PCNX2: variants seen among roughly 807,000 people sequenced by gnomAD.
PCNX2 encodes pecanex 2, also known as pecanex-like protein 2.
In PCNX2, 168 loss-of-function variants were observed where a neutral mutation model predicts 223.8. The observed-to-expected ratio is 0.75, with a 90% CI of 0.66 to 0.85. PCNX2 has a LOEUF of 0.85. Ranked by LOEUF, PCNX2 falls within the 40% of genes least tolerant of loss-of-function variation. The pLI, the probability that PCNX2 is intolerant of heterozygous loss-of-function variation, is 0.00. For synonymous variants in PCNX2, 1,006 were observed against 1,052.6 expected (o/e 0.96, Z 0.86); for missense variants, 2,507 against 2,675.5 (o/e 0.94, Z 1.39).
intron 30 of PCNX2, among the ~76,000 whole-genome samples, chr1:232,999,945 G>A (rs568875514): frequency 5.9e-5 from 9 of 152,282 alleles, no homozygotes; most frequent in South Asian, 2.1e-4. Context: ...TAAGGCCTTC[G>A]GATCCAGGAA....
chr1:233,101,413 G>A (rs1468274383), intron 21 of PCNX2, among the ~76,000 whole-genome samples: 1 of 152,098 alleles, frequency 6.6e-6, no homozygotes, highest in East Asian at 1.9e-4. Context: ...ATAGAATTTT[G>A]TAAAGTAAAA....
At chr1:233,142,972 A>C (rs1335508800) in intron 19 of PCNX2, among the ~76,000 whole-genome samples, 1 of 151,574 alleles carries the variant, frequency 6.6e-6, no homozygotes, top group African/African-American at 2.4e-5. Context: ...TATTTTTCTT[A>C]TCTTCTTGAG....
intron 25 of PCNX2, among the ~76,000 whole-genome samples, chr1:233,036,545 G>T (rs543408040): frequency 5.7e-4 from 87 of 151,670 alleles, no homozygotes; most frequent in African/African-American, 2.0e-3. Flanking sequence ...CAGGAGAATC[G>T]CTTGAACCCA....
Position 233,054,348 on chromosome 1 carries a change from T to C in PCNX2, c.4271A>G (p.Asp1424Gly), listed in dbSNP as rs1479195698. The change falls in exon 25 of 34, where the codon GAT (aspartate) becomes GGT (glycine). Residue 1424 changes from aspartate to glycine, a missense_variant. This residue lies in a region of PCNX2 where 1,372 missense variants were observed against 1,509.4 expected (regional missense o/e 0.91). Coordinates refer to ENST00000258229, the MANE Select transcript of PCNX2 (RefSeq NM_014801.4). ...SSGDCFILASDDLNAFVHLIE... is the reference protein window; with the variant it reads ...SSGDCFILASGDLNAFVHLIE... ...CAGGTGAACAAAGGCATTGAGGTCA[T>C]CTGAAGCCAAAATAAAGCAATCGCC... The C allele has an allele frequency of 3.7e-6, 6 of 1,613,804 alleles. No homozygotes were observed. Among genetic ancestry groups the C allele is most frequent in the Non-Finnish European group, 5.1e-6 (6 of 1,179,874 alleles).
chr1:233,137,219 T>C (rs1376536681), intron 20 of PCNX2, among the ~76,000 whole-genome samples: 2 of 152,196 alleles, frequency 1.3e-5, no homozygotes, highest in Non-Finnish European at 2.9e-5. Flanking sequence ...TTCCTCTGAG[T>C]TCTCCGGTTT....
intron 22 of PCNX2, among the ~76,000 whole-genome samples, chr1:233,093,041 T>C (rs1056461486): frequency 1.8e-4 from 27 of 152,262 alleles, no homozygotes; most frequent in South Asian, 8.3e-4. Flanking sequence ...CCTCATGATC[T>C]GCCCTCCTTG....
At chr1:233,196,840 A>T (rs1378558245) in intron 15 of PCNX2, among the ~76,000 whole-genome samples, 1 of 152,192 alleles carries the variant, frequency 6.6e-6, no homozygotes, top group Non-Finnish European at 1.5e-5. Flanking sequence ...TGATCTAGCA[A>T]TCTCACTCAG....
At chr1:233,144,822 AT>A (rs1404303203) in intron 19 of PCNX2, among the ~76,000 whole-genome samples, 1 of 152,096 alleles carries the variant, frequency 6.6e-6, no homozygotes, top group Non-Finnish European at 1.5e-5. Context: ...AACTTCTCCC[AT>A]TTTATGGTTA....
chr1:233,218,641 C>T (rs1657176809), intron 10 of PCNX2, among the ~76,000 whole-genome samples: 1 of 152,158 alleles, frequency 6.6e-6, no homozygotes, highest in African/African-American at 2.4e-5. Flanking sequence ...CTTTATTCCC[C>T]TGTGAGATTT....
intron 15 of PCNX2, among the ~76,000 whole-genome samples, chr1:233,195,949 T>G (rs1225082968): frequency 6.6e-6 from 1 of 152,122 alleles, no homozygotes; most frequent in African/African-American, 2.4e-5. Flanking sequence ...TGAAGAAATA[T>G]GACCTTTAAT....
intron 23 of PCNX2, among the ~76,000 whole-genome samples, chr1:233,086,331 A>C (rs936618823): frequency 6.6e-6 from 1 of 152,184 alleles, no homozygotes; most frequent in Non-Finnish European, 1.5e-5. Flanking sequence ...GTGGCTATTT[A>C]AATTTAAGTG....
intron 19 of PCNX2, among the ~76,000 whole-genome samples, chr1:233,142,108 T>A (rs1195907292): frequency 6.6e-6 from 1 of 152,156 alleles, no homozygotes; most frequent in Non-Finnish European, 1.5e-5. Flanking sequence ...AAAGTATAAT[T>A]TTTTCTGGAG....
At chr1:233,105,605 T>A (rs1674722608) in intron 21 of PCNX2, among the ~76,000 whole-genome samples, 1 of 151,900 alleles carries the variant, frequency 6.6e-6, no homozygotes, top group South Asian at 2.1e-4. Flanking sequence ...TGAAGTACAG[T>A]TTGGGAGATT....
At chr1:233,178,237 A>T (rs938561575) in intron 16 of PCNX2, among the ~76,000 whole-genome samples, 1 of 152,190 alleles carries the variant, frequency 6.6e-6, no homozygotes, top group Non-Finnish European at 1.5e-5. Context: ...AATACAATTG[A>T]CACTAAAAAT....
At chr1:233,146,411 TA>T (rs1161854838) in intron 19 of PCNX2, among the ~76,000 whole-genome samples, 1 of 152,148 alleles carries the variant, frequency 6.6e-6, no homozygotes, top group African/African-American at 2.4e-5. Flanking sequence ...GATTATGAAA[TA>T]AAAAAAGTAA....
the PCNX2 span, among the ~76,000 whole-genome samples, chr1:233,310,007 AATAAC>A: frequency 6.6e-6 from 1 of 152,190 alleles, no homozygotes; most frequent in African/African-American, 2.4e-5. Flanking sequence ...ATAATTCCTA[AATAAC>A]ATAATTGATA....
intron 15 of PCNX2, 91 bp downstream of exon 15, chr1:233,198,848 T>C: frequency 7.9e-7 from 1 of 1,264,776 alleles, no homozygotes; most frequent in South Asian, 1.3e-5. Context: ...CCGATTTCTC[T>C]TGTAATTTTG....
chr1:233,199,392 A>G (rs1680922520), intron 14 of PCNX2, among the ~76,000 whole-genome samples: 1 of 151,994 alleles, frequency 6.6e-6, no homozygotes. Flanking sequence ...AGAAGGAGGG[A>G]GAAGGCAGGA....
chr1:233,202,874 T>A (rs1375826896), intron 13 of PCNX2, among the ~76,000 whole-genome samples: 1 of 152,212 alleles, frequency 6.6e-6, no homozygotes, highest in East Asian at 1.9e-4. Context: ...TGGACCCGGC[T>A]ACAGCTGATG....
Sources: gnomAD v4.1 joint callset for allele counts (sites outside exome capture counted in the v4.1 genomes callset) on GRCh38, gnomAD v4.1.1 for gene constraint, gnomAD v4.1.1 regional missense constraint, MANE v1.5 for transcripts, NCBI Gene and HGNC (gene_info 2026-07-23, HGNC 2026-07-21) for gene names.